FKBP9: variants seen among roughly 807,000 people sequenced by gnomAD.
FKBP9 encodes the protein FKBP prolyl isomerase 9.
Under a neutral mutation model 55.6 loss-of-function variants are expected in FKBP9, and 27 were observed. That is an observed-to-expected ratio of 0.49 (90% CI 0.36 to 0.67). The LOEUF is 0.67. Among genes scored for constraint, FKBP9 ranks in the 30% least tolerant of loss-of-function variants. The pLI is 0.00. For missense variants in FKBP9, 539 were observed against 742.8 expected (o/e 0.73, Z 3.19); for synonymous variants, 267 against 296.5 (o/e 0.90, Z 1.02).
intron 1 of FKBP9, 54 bp downstream of exon 1, chr7:32,957,848 C>T (rs1783932651): frequency 2.3e-6 from 3 of 1,309,450 alleles, no homozygotes; most frequent in Non-Finnish European, 3.0e-6. Flanking sequence ...TCCCTCTCTC[C>T]GGACAGGCCT....
intron 5 of FKBP9, among the ~76,000 whole-genome samples, chr7:32,987,305 G>A (rs887440366): frequency 1.3e-5 from 2 of 152,022 alleles, no homozygotes; most frequent in Admixed American, 1.3e-4. Context: ...AGACCAACCT[G>A]GGCAACGTGG....
At chr7:32,977,281 A>G (rs1325024722) in intron 4 of FKBP9, among the ~76,000 whole-genome samples, 1 of 152,240 alleles carries the variant, frequency 6.6e-6, no homozygotes, top group Non-Finnish European at 1.5e-5. Context: ...GATGGATACA[A>G]TGATGTGTTG....
At position 32,961,553 on chromosome 7, in the gene FKBP9, A is replaced by C. The variant is rs1033013152; in HGVS notation, c.221+3759A>C. Reference sequence around the variant, plus strand: ...TACAAAAATAAATAAATAGTAAATAAATAAATAGAACAGGGGTCCCTAACC... The same window carrying C: ...TACAAAAATAAATAAATAGTAAATACATAAATAGAACAGGGGTCCCTAACC... On this transcript the variant is annotated intron_variant, in intron 1 of 9. Transcript: ENST00000242209. 1.5e-4 allele frequency among the ~76,000 whole-genome samples: 23 copies of C among 152,192 alleles called. 1 individual carries two copies. The highest frequency in any genetic ancestry group is 5.5e-4 in the African/African-American group (23 of 41,444).
At chr7:32,989,559 G>T (rs1784644428) in intron 6 of FKBP9, among the ~76,000 whole-genome samples, 1 of 152,000 alleles carries the variant, frequency 6.6e-6, no homozygotes. Flanking sequence ...GGGACTACAG[G>T]CATGTGCCAC....
intron 8 of FKBP9, among the ~76,000 whole-genome samples, chr7:33,000,785 C>T (rs763916444): frequency 1.8e-4 from 27 of 149,114 alleles, no homozygotes; most frequent in Non-Finnish European, 3.3e-4. Context: ...GATTCAATAA[C>T]TTTTTTTTTT....
intron 4 of FKBP9, among the ~76,000 whole-genome samples, chr7:32,979,182 T>C (rs1277708848): frequency 1.3e-5 from 2 of 151,828 alleles, no homozygotes; most frequent in Non-Finnish European, 2.9e-5. Flanking sequence ...GGCAGGAGAA[T>C]CGCTTGAACC....
intron 1 of FKBP9, among the ~76,000 whole-genome samples, chr7:32,958,891 G>A (rs1392853787): frequency 6.6e-6 from 1 of 152,140 alleles, no homozygotes; most frequent in Admixed American, 6.5e-5. Context: ...CCTGGTCTGT[G>A]CCAGCACTTC....
chr7:32,970,068 A>G (rs1039292736), intron 1 of FKBP9, among the ~76,000 whole-genome samples: 1 of 151,870 alleles, frequency 6.6e-6, no homozygotes, highest in African/African-American at 2.4e-5. Context: ...AAAAAATGCC[A>G]TCAGGATTTT....
chr7:32,979,725 A>G (rs1784436348), intron 4 of FKBP9: 1 of 712,976 alleles, frequency 1.4e-6, no homozygotes. Flanking sequence ...TTTTGCAGAT[A>G]TTCAAAATAT....
chr7:33,001,680 T>A (rs1784938967), intron 8 of FKBP9, among the ~76,000 whole-genome samples: 1 of 152,152 alleles, frequency 6.6e-6, no homozygotes, highest in Non-Finnish European at 1.5e-5. Context: ...ATATATTCCA[T>A]ACTTAGATAA....
chr7:32,996,887 C>T (rs1379967786), intron 7 of FKBP9, among the ~76,000 whole-genome samples: 1 of 148,758 alleles, frequency 6.7e-6, no homozygotes, highest in Non-Finnish European at 1.5e-5. Context: ...CTCCGCTTCC[C>T]GGGTTCACGC....
At chr7:32,982,964 G>T (rs1334650131) in intron 5 of FKBP9, among the ~76,000 whole-genome samples, 1 of 149,942 alleles carries the variant, frequency 6.7e-6, no homozygotes, top group African/African-American at 2.4e-5. Context: ...ATCGCTAGAA[G>T]AATCTCTGGG....
At chr7:32,988,735 T>C (rs956407122) in intron 6 of FKBP9, 83 bp downstream of exon 6, 8 of 1,378,332 alleles carry the variant, frequency 5.8e-6, no homozygotes, top group Non-Finnish European at 6.9e-6. Flanking sequence ...TTCTTTTTCT[T>C]CTTTCTTTTT....
chr7:32,993,896 T>A (rs1784733315), intron 6 of FKBP9, among the ~76,000 whole-genome samples: 1 of 152,188 alleles, frequency 6.6e-6, no homozygotes, highest in South Asian at 2.1e-4. Flanking sequence ...TGGATGTATA[T>A]ACTACATTTT....
chr7:32,989,738 C>T (rs1784647359), intron 6 of FKBP9, among the ~76,000 whole-genome samples: 1 of 152,116 alleles, frequency 6.6e-6, no homozygotes, highest in Non-Finnish European at 1.5e-5. Flanking sequence ...TATTGTTAAT[C>T]TTAATCTGGT....
intron 4 of FKBP9, among the ~76,000 whole-genome samples, chr7:32,978,480 T>C (rs111460600): frequency 0.045 from 6,886 of 152,066 alleles, 373 homozygotes; most frequent in East Asian, 0.19. Flanking sequence ...GCCTCAGCCT[T>C]CCGAATAGTT....
At chr7:32,980,627 T>C (rs1784458617) in intron 5 of FKBP9, 74 bp downstream of exon 5, 10 of 1,562,800 alleles carry the variant, frequency 6.4e-6, no homozygotes, top group Non-Finnish European at 7.8e-6. Context: ...TGGACCATGA[T>C]TTAAATACTC....
At chr7:32,999,373 CGTA>C (rs1335181027) in intron 7 of FKBP9, among the ~76,000 whole-genome samples, 2 of 151,310 alleles carry the variant, frequency 1.3e-5, no homozygotes, top group African/African-American at 4.9e-5. Context: ...TAGATTTTGG[CGTA>C]GATTTATTTT....
intron 5 of FKBP9, among the ~76,000 whole-genome samples, chr7:32,982,984 ATGTGTG>A (rs71559288): frequency 4.5e-4 from 64 of 142,208 alleles, no homozygotes; most frequent in East Asian, 1.3e-3. Context: ...GTCAAAGGTT[ATGTGTG>A]TGTGTGTGTG....
Sources: allele counts gnomAD v4.1 joint callset (sites outside exome capture counted in the v4.1 genomes callset), GRCh38; gene constraint gnomAD v4.1.1; transcripts MANE v1.5; gene names NCBI Gene and HGNC (gene_info 2026-07-23, HGNC 2026-07-21).